Variants in KIAA1217 observed in about 807,000 individuals in gnomAD.
KIAA1217 encodes the protein KIAA1217.
KIAA1217 carries 88 observed loss-of-function variants against 163.9 expected under a neutral mutation model. The ratio of observed to expected loss-of-function variants is 0.54; its 90% CI spans 0.45 to 0.64. The LOEUF (loss-of-function observed/expected upper bound fraction) is 0.64. Ranked by LOEUF, KIAA1217 falls within the 30% of genes least tolerant of loss-of-function variation. The pLI, the probability that KIAA1217 is intolerant of heterozygous loss-of-function variation, is 0.00. For missense variants in KIAA1217, 2,372 were observed against 2,475.0 expected (o/e 0.96, Z 0.88); for synonymous variants, 903 against 923.1 (o/e 0.98, Z 0.39).
intron 2 of KIAA1217, among the ~76,000 whole-genome samples, chr10:24,291,647 C>T (rs61703054): frequency 0.026 from 3,884 of 152,106 alleles, 171 homozygotes; most frequent in African/African-American, 0.089. Flanking sequence ...GTGTCCTGTC[C>T]GGTAGTGGGC....
At chr10:23,818,548 A>G (rs1009725724) in intron 1 of KIAA1217, among the ~76,000 whole-genome samples, 1 of 151,962 alleles carries the variant, frequency 6.6e-6, no homozygotes, top group Non-Finnish European at 1.5e-5. Flanking sequence ...AGAGTCAGCA[A>G]TCTTCACCTC....
At chr10:23,719,907 C>A (rs748222917) in intron 1 of KIAA1217, among the ~76,000 whole-genome samples, 5 of 151,800 alleles carry the variant, frequency 3.3e-5, no homozygotes, top group Non-Finnish European at 7.4e-5. Context: ...AGTGAGACTC[C>A]GCCTCAAACA....
intron 6 of KIAA1217, among the ~76,000 whole-genome samples, chr10:24,487,524 G>GCAT (rs2065567533): frequency 6.6e-6 from 1 of 152,240 alleles, no homozygotes; most frequent in Non-Finnish European, 1.5e-5. Flanking sequence ...CATCGCCACA[G>GCAT]CATTCCCTTT....
chr10:24,524,701 G>T lies in KIAA1217; in HGVS notation c.2835G>T (p.Met945Ile), dbSNP rs1458155127. The change falls in exon 13 of 21, where the codon ATG becomes ATT. Residue 945 changes from methionine to isoleucine, a missense_variant. Coordinates refer to ENST00000376454, the MANE Select transcript of KIAA1217 (RefSeq NM_019590.5). ...AGATACCCATGAATGGGTCTGCCAT[G>T]CAGAGCTTGTTCATTGAAGAAATCC... ...SPQIPMNGSAMQSLFIEEIHS... is the reference protein window; with the variant it reads ...SPQIPMNGSAIQSLFIEEIHS... 1 of 1,612,922 alleles carries T rather than the reference G, an allele frequency of 6.2e-7. No homozygotes were observed. Among genetic ancestry groups the T allele is most frequent in the Admixed American group, 1.7e-5 (1 of 59,982 alleles).
chr10:23,882,130 A>G (rs1039023407), intron 1 of KIAA1217, among the ~76,000 whole-genome samples: 8 of 151,936 alleles, frequency 5.3e-5, no homozygotes, highest in African/African-American at 9.7e-5. Context: ...ACACATATAA[A>G]CCCACCACAA....
chr10:24,473,652 A>T lies in KIAA1217; in HGVS notation c.1271A>T (p.Tyr424Phe). The T allele has an allele frequency of 6.2e-7, 1 of 1,614,156 alleles. No homozygotes were observed. Among genetic ancestry groups the T allele is most frequent in the Non-Finnish European group, 8.5e-7 (1 of 1,180,020 alleles). ...PLDVPDHIIA[Y>F]HRTAIRSASA... ...GATGTCCCCGACCACATCATTGCAT[A>T]TCACCGCACCGCCATCCGGTCAGCG... The change falls in exon 6 of 21, where the codon TAT (tyrosine) becomes TTT (phenylalanine). Residue 424 changes from tyrosine to phenylalanine, a missense_variant. Coordinates refer to ENST00000376454, the MANE Select transcript of KIAA1217 (RefSeq NM_019590.5).
chr10:23,778,423 G>A (rs577255107), intron 1 of KIAA1217, among the ~76,000 whole-genome samples: 1 of 152,196 alleles, frequency 6.6e-6, no homozygotes, highest in East Asian at 1.9e-4. Flanking sequence ...TCAAAATTTT[G>A]CATTTTTGCT....
intron 1 of KIAA1217, among the ~76,000 whole-genome samples, chr10:23,729,732 G>A (rs1357479169): frequency 6.6e-6 from 1 of 152,022 alleles, no homozygotes; most frequent in Non-Finnish European, 1.5e-5. Context: ...TTCAGTCAGT[G>A]GCTTGTCTTC....
intron 17 of KIAA1217, among the ~76,000 whole-genome samples, chr10:24,539,231 T>C (rs2074616700): frequency 1.3e-5 from 2 of 152,168 alleles, no homozygotes; most frequent in East Asian, 3.9e-4. Context: ...TCTTTTCTTT[T>C]CTTTTCTTTT....
At chr10:24,414,558 T>C (rs2131388857) in intron 3 of KIAA1217, among the ~76,000 whole-genome samples, 1 of 152,316 alleles carries the variant, frequency 6.6e-6, no homozygotes, top group East Asian at 1.9e-4. Flanking sequence ...GTTTTGATCA[T>C]GAGGCATTTA....
intron 1 of KIAA1217, among the ~76,000 whole-genome samples, chr10:23,700,235 A>G (rs1482559209): frequency 6.6e-6 from 1 of 152,130 alleles, no homozygotes; most frequent in Non-Finnish European, 1.5e-5. Context: ...GAAAGCATTC[A>G]ACCCATTAAC....
intron 1 of KIAA1217, among the ~76,000 whole-genome samples, chr10:23,712,935 G>T (rs1046215279): frequency 1.3e-5 from 2 of 152,052 alleles, no homozygotes; most frequent in African/African-American, 4.8e-5. Context: ...AATTGCTTCT[G>T]GTATACCTGA....
At chr10:24,065,287 T>C (rs949950034) in intron 2 of KIAA1217, among the ~76,000 whole-genome samples, 1 of 152,208 alleles carries the variant, frequency 6.6e-6, no homozygotes, top group Non-Finnish European at 1.5e-5. Flanking sequence ...TTTAGTGCTA[T>C]AAATTTCCCT....
intron 2 of KIAA1217, among the ~76,000 whole-genome samples, chr10:24,250,138 G>A (rs977487435): frequency 2.0e-5 from 3 of 152,124 alleles, no homozygotes; most frequent in Admixed American, 6.5e-5. Flanking sequence ...GTCAAGCCTG[G>A]AGATTACTTG....
intron 10 of KIAA1217, among the ~76,000 whole-genome samples, chr10:24,513,663 C>T (rs538518124): frequency 2.6e-5 from 4 of 151,878 alleles, no homozygotes; most frequent in South Asian, 2.1e-4. Context: ...TTAAAAGTTG[C>T]GGCATTGCTG....
intron 1 of KIAA1217, among the ~76,000 whole-genome samples, chr10:23,743,046 C>G (rs1002195248): frequency 6.6e-6 from 1 of 152,114 alleles, no homozygotes; most frequent in Non-Finnish European, 1.5e-5. Context: ...TGCCTGGGAT[C>G]AAAGCCAAAA....
intron 1 of KIAA1217, among the ~76,000 whole-genome samples, chr10:23,840,657 G>A (rs961521321): frequency 6.6e-6 from 1 of 152,112 alleles, no homozygotes; most frequent in Non-Finnish European, 1.5e-5. Flanking sequence ...GAATTTCTAC[G>A]AATGAAGGCT....
At chr10:24,267,973 A>G (rs1416992718) in intron 2 of KIAA1217, among the ~76,000 whole-genome samples, 1 of 152,182 alleles carries the variant, frequency 6.6e-6, no homozygotes, top group Non-Finnish European at 1.5e-5. Flanking sequence ...CCTTCTGATG[A>G]CCCTGTAATT....
At chr10:24,213,191 G>A (rs751540568) in intron 1 of KIAA1217, among the ~76,000 whole-genome samples, 3 of 152,168 alleles carry the variant, frequency 2.0e-5, no homozygotes, top group African/African-American at 2.4e-5. Flanking sequence ...TGTGCTTTGC[G>A]GAGTAGGCAC....
Sources: allele counts gnomAD v4.1 joint callset (sites outside exome capture counted in the v4.1 genomes callset), GRCh38; gene constraint gnomAD v4.1.1; transcripts MANE v1.5; gene names NCBI Gene and HGNC (gene_info 2026-07-23, HGNC 2026-07-21).